Variants in AGBL1 observed in about 807,000 individuals in gnomAD.
AGBL1 encodes the protein AGBL carboxypeptidase 1, also known as cytosolic carboxypeptidase 4.
Under a neutral mutation model 118.9 loss-of-function variants are expected in AGBL1, and 130 were observed. The observed-to-expected ratio is 1.09, with a 90% CI of 0.95 to 1.26. The LOEUF (loss-of-function observed/expected upper bound fraction) is 1.26, where lower values mean the gene tolerates loss of function less well. AGBL1 is among the 50% of genes most tolerant of loss of function. The pLI is 0.00. For synonymous variants in AGBL1, 555 were observed against 478.9 expected, an observed-to-expected ratio of 1.16 and a Z score of -2.08; for missense variants, 1,584 against 1,298.1, an observed-to-expected ratio of 1.22 and a Z score of -3.38.
intron 21 of AGBL1, among the ~76,000 whole-genome samples, chr15:86,649,198 T>A (rs1398516042): frequency 1.3e-5 from 2 of 152,130 alleles, no homozygotes; most frequent in African/African-American, 4.8e-5. Flanking sequence ...AGTTTACTTA[T>A]AGTAACAGGA....
At chr15:86,351,886 G>A (rs1262043470) in intron 17 of AGBL1, among the ~76,000 whole-genome samples, 1 of 151,964 alleles carries the variant, frequency 6.6e-6, no homozygotes, top group Non-Finnish European at 1.5e-5. Flanking sequence ...ACCTAGTTTT[G>A]ACAAAACATA....
chr15:86,239,543 C>T (rs115677191), intron 6 of AGBL1, among the ~76,000 whole-genome samples: 16 of 150,480 alleles, frequency 1.1e-4, no homozygotes, highest in Non-Finnish European at 2.1e-4. Context: ...CACACCTGGG[C>T]CTGACATTGC....
At chr15:86,604,193 C>T (rs1567079602) in intron 21 of AGBL1, among the ~76,000 whole-genome samples, 1 of 151,678 alleles carries the variant, frequency 6.6e-6, no homozygotes. Context: ...AACAAACAAG[C>T]AAAGAAATAA....
chr15:86,170,180 C>A (rs970254662), intron 5 of AGBL1, among the ~76,000 whole-genome samples: 4 of 152,054 alleles, frequency 2.6e-5, no homozygotes, highest in African/African-American at 9.7e-5. Flanking sequence ...ATAAGAAAAA[C>A]CCAAATTGAA....
At chr15:86,441,826 C>A (rs1399904057) in intron 18 of AGBL1, among the ~76,000 whole-genome samples, 25 of 152,208 alleles carry the variant, frequency 1.6e-4, no homozygotes. Flanking sequence ...AGAGACAAGT[C>A]CAGCAGAGAT....
At chr15:86,443,327 TA>T (rs2082086355) in intron 18 of AGBL1, among the ~76,000 whole-genome samples, 1 of 152,210 alleles carries the variant, frequency 6.6e-6, no homozygotes, top group Admixed American at 6.5e-5. Flanking sequence ...TTGTTACTTT[TA>T]ATTGATGCAC....
chr15:86,466,577 G>A (rs1266061270), intron 18 of AGBL1, among the ~76,000 whole-genome samples: 2 of 152,160 alleles, frequency 1.3e-5, no homozygotes, highest in Non-Finnish European at 2.9e-5. Context: ...GAGGCTTTCT[G>A]ATTTTTGGAA....
chr15:86,536,105 G>C (rs1440582371), intron 19 of AGBL1, among the ~76,000 whole-genome samples: 1 of 152,132 alleles, frequency 6.6e-6, no homozygotes. Context: ...CATGCTATCA[G>C]AATGAAGGTT....
chr15:87,009,245 T>C (rs1347324631), intron 24 of AGBL1, among the ~76,000 whole-genome samples: 3 of 152,112 alleles, frequency 2.0e-5, no homozygotes, highest in African/African-American at 7.2e-5. Flanking sequence ...TGCCCTGCAT[T>C]GCACCTACTC....
chr15:86,335,358 T>G (rs1207249042), intron 17 of AGBL1, among the ~76,000 whole-genome samples: 1 of 152,168 alleles, frequency 6.6e-6, no homozygotes, highest in Non-Finnish European at 1.5e-5. Flanking sequence ...CAGGATGGTC[T>G]CGATCTCTTG....
At chr15:86,963,487 G>A (rs1050710748) in intron 23 of AGBL1, among the ~76,000 whole-genome samples, 5 of 151,856 alleles carry the variant, frequency 3.3e-5, no homozygotes, top group Admixed American at 1.3e-4. Context: ...ACATCATCTA[G>A]TATACTGGAT....
intron 23 of AGBL1, among the ~76,000 whole-genome samples, chr15:86,974,457 AATATAAACATATTTTATATATTG>A (rs1347134690): frequency 1.5e-5 from 2 of 131,768 alleles, no homozygotes; most frequent in Admixed American, 7.9e-5. Context: ...TTATATATTG[AATATAAACATATTTTATATATTG>A]AATATAAACA....
chr15:86,885,143 T>C (rs1596590938), intron 22 of AGBL1, among the ~76,000 whole-genome samples: 1 of 152,204 alleles, frequency 6.6e-6, no homozygotes, highest in Non-Finnish European at 1.5e-5. Context: ...TACTGTTCTT[T>C]GTTATGATTC....
At chr15:86,580,893 A>G (rs761869636) in intron 21 of AGBL1, among the ~76,000 whole-genome samples, 3 of 151,816 alleles carry the variant, frequency 2.0e-5, no homozygotes, top group Non-Finnish European at 4.4e-5. Flanking sequence ...TCATGCTTCT[A>G]ATATTTGTAT....
At chr15:86,716,480 C>G (rs2086640359) in intron 22 of AGBL1, among the ~76,000 whole-genome samples, 3 of 152,116 alleles carry the variant, frequency 2.0e-5, no homozygotes, top group Admixed American at 1.3e-4. Flanking sequence ...CTAAATGTGT[C>G]ATTGGTAGTC....
At chr15:86,185,313 G>A (rs2077613455) in intron 5 of AGBL1, among the ~76,000 whole-genome samples, 1 of 152,216 alleles carries the variant, frequency 6.6e-6, no homozygotes, top group African/African-American at 2.4e-5. Context: ...TGGTGGCACT[G>A]TAAACTAGTT....
At chr15:86,530,555 C>T (rs1393577052) in intron 19 of AGBL1, among the ~76,000 whole-genome samples, 1 of 145,182 alleles carries the variant, frequency 6.9e-6, no homozygotes, top group Non-Finnish European at 1.5e-5. Flanking sequence ...ATCAATGAGA[C>T]AGAAAGTCAA....
intron 21 of AGBL1, among the ~76,000 whole-genome samples, chr15:86,632,806 T>TTTTGGTTTG (rs971180358): frequency 6.6e-6 from 1 of 151,836 alleles, no homozygotes; most frequent in Non-Finnish European, 1.5e-5. Context: ...CGTAGTTTTG[T>TTTTGGTTTG]TTTTGCAGTT....
At chr15:86,742,579 T>TGAAC (rs1410305391) in intron 22 of AGBL1, among the ~76,000 whole-genome samples, 1 of 152,148 alleles carries the variant, frequency 6.6e-6, no homozygotes, top group South Asian at 2.1e-4. Context: ...CCCTATGTTC[T>TGAAC]GCCTATTGCC....
Sources: allele counts gnomAD v4.1 joint callset (sites outside exome capture counted in the v4.1 genomes callset), GRCh38; gene constraint gnomAD v4.1.1; transcripts MANE v1.5; gene names NCBI Gene and HGNC (gene_info 2026-07-23, HGNC 2026-07-21).